Variants in SPRED2 observed in about 807,000 individuals in gnomAD.
SPRED2 encodes the protein sprouty related EVH1 domain containing 2, also known as sprouty-related, EVH1 domain-containing protein 2.
Under a neutral mutation model 43.0 loss-of-function variants are expected in SPRED2, and 47 were observed. That is an observed-to-expected ratio of 1.09 (90% CI 0.87 to 1.40). The LOEUF (loss-of-function observed/expected upper bound fraction) is 1.40, where lower values mean the gene tolerates loss of function less well. Ranked by LOEUF, SPRED2 falls within the 40% of genes most tolerant of loss-of-function variation. SPRED2 has a pLI of 0.00. For missense variants in SPRED2, 561 were observed against 586.4 expected (o/e 0.96, Z 0.45); for synonymous variants, 225 against 225.7 (o/e 1.00, Z 0.03).
chr2:65,334,146 T>G (rs1673893529), intron 3 of SPRED2: 1 of 470,516 alleles, frequency 2.1e-6, no homozygotes, highest in Non-Finnish European at 4.4e-6. Flanking sequence ...GAACCAGGGC[T>G]CCAGAGGTCA....
chr2:65,308,385 G>T (rs141731371), downstream of SPRED2: 473 of 985,454 alleles, frequency 4.8e-4, 1 homozygote, highest in African/African-American at 7.9e-3. Context: ...GCCGTCCTTG[G>T]AGCTGTGAAC....
downstream of SPRED2, among the ~76,000 whole-genome samples, chr2:65,307,330 C>T (rs761509013): frequency 2.0e-5 from 3 of 151,950 alleles, no homozygotes; most frequent in Admixed American, 6.6e-5. Flanking sequence ...TGAGTAGTTG[C>T]GATTACAGGC....
intron 1 of SPRED2, among the ~76,000 whole-genome samples, chr2:65,407,390 T>C (rs1417970846): frequency 6.7e-6 from 1 of 149,268 alleles, no homozygotes; most frequent in Non-Finnish European, 1.5e-5. Flanking sequence ...GTGTTGTGTA[T>C]TGGGGGGCAT....
chr2:65,405,054 A>C (rs1675991497), intron 1 of SPRED2, among the ~76,000 whole-genome samples: 1 of 152,252 alleles, frequency 6.6e-6, no homozygotes, highest in African/African-American at 2.4e-5. Flanking sequence ...TAATTATGAC[A>C]ATAATGACAA....
chr2:65,357,625 T>G lies in SPRED2; in HGVS notation c.27-12729A>C, dbSNP rs147912493. ...TAAGTTATTCCTTATCTTGGTCCCT[T>G]GAAATTTACTGGATAGGCAACTGAT... On this transcript the variant is annotated intron_variant, in intron 1 of 5. Transcript: ENST00000356388. 1.5e-3 allele frequency among the ~76,000 whole-genome samples: 223 copies of G among 152,294 alleles called. No homozygotes were observed. In the Middle Eastern group the frequency reaches 0.027, roughly 19 times the overall value.
intron 1 of SPRED2, among the ~76,000 whole-genome samples, chr2:65,389,219 C>T (rs1452481556): frequency 6.7e-6 from 1 of 149,674 alleles, no homozygotes; most frequent in Non-Finnish European, 1.5e-5. Flanking sequence ...CTTCCAGAGA[C>T]AGCAATACAA....
At chr2:65,377,787 A>G (rs1572880847) in intron 1 of SPRED2, 1 of 456,596 alleles carries the variant, frequency 2.2e-6, no homozygotes, top group East Asian at 7.1e-5. Flanking sequence ...GGCAGTCCTC[A>G]GCAGAGACCA....
chr2:65,370,066 T>C (rs1675087564), intron 1 of SPRED2, among the ~76,000 whole-genome samples: 1 of 152,238 alleles, frequency 6.6e-6, no homozygotes, highest in Admixed American at 6.5e-5. Context: ...ATATCAATGA[T>C]GCAGGTACTG....
At chr2:65,318,079 G>C (rs1673297370) in intron 4 of SPRED2, among the ~76,000 whole-genome samples, 1 of 152,132 alleles carries the variant, frequency 6.6e-6, no homozygotes, top group South Asian at 2.1e-4. Flanking sequence ...ATTGGGGCAA[G>C]TCTTTCCCGT....
chr2:65,419,583 G>C (rs1044017242), intron 1 of SPRED2, among the ~76,000 whole-genome samples: 1 of 19,674 alleles, frequency 5.1e-5, no homozygotes, highest in African/African-American at 9.0e-4. Context: ...ATAGTTGTGT[G>C]TGTGTGTGTG....
chr2:65,422,427 T>C (rs1676451757), intron 1 of SPRED2, among the ~76,000 whole-genome samples: 1 of 152,184 alleles, frequency 6.6e-6, no homozygotes, highest in South Asian at 2.1e-4. Context: ...TCCTAGAATG[T>C]AAGTGCCCCG....
intron 1 of SPRED2, among the ~76,000 whole-genome samples, chr2:65,358,330 G>C (rs1674715119): frequency 6.6e-6 from 1 of 152,136 alleles, no homozygotes; most frequent in African/African-American, 2.4e-5. Context: ...CATCTAGCTG[G>C]GTTTACGCAT....
In SPRED2 at chr2:65,312,592, A is replaced by G; in HGVS notation, c.*909T>C. The G allele has an allele frequency of 3.0e-6, 3 of 985,774 alleles. No homozygotes were observed. Among genetic ancestry groups the G allele is most frequent in the Non-Finnish European group, 3.6e-6 (3 of 829,902 alleles). 61.1% of individuals were successfully genotyped at this position (985,774 alleles called of 1,614,324 possible). ...AACAAGCAAAATTTCTTACTTCACT[A>G]GTATCCTATTCTAATATTGCTAAAT... is the stretch of plus-strand genomic sequence containing the variant. On this transcript the variant is annotated 3_prime_UTR_variant, in exon 6 of 6. Transcript: ENST00000356388.
intron 1 of SPRED2, among the ~76,000 whole-genome samples, chr2:65,406,853 C>T (rs1447340609): frequency 6.6e-6 from 1 of 152,158 alleles, no homozygotes; most frequent in Non-Finnish European, 1.5e-5. Context: ...GAGGCAGGGC[C>T]CTCCATCAAG....
In SPRED2 at chr2:65,311,296, T is replaced by C. The variant is rs1017751390; in HGVS notation, c.*2205A>G. Reference sequence around the variant, plus strand: ...ATAAATGTCCCCATGGCTGTCTTTGTGCCCTTAACCGATGCCTTCACAAAC... The same window carrying C: ...ATAAATGTCCCCATGGCTGTCTTTGCGCCCTTAACCGATGCCTTCACAAAC... On this transcript the variant is annotated 3_prime_UTR_variant, in exon 6 of 6. Coordinates refer to ENST00000356388, the MANE Select transcript of SPRED2 (RefSeq NM_181784.3). 40 of 985,782 alleles carry C rather than the reference T, an allele frequency of 4.1e-5. No individual in the cohort carries two copies. The highest frequency in any genetic ancestry group is 4.6e-5 in the Non-Finnish European group (38 of 829,954). The allele number at this position is 985,782 out of a possible 1,614,324, so 61.1% of individuals were successfully genotyped here. A position where few individuals can be genotyped will look rare whatever the true frequency, so the allele number is the denominator to read the frequency against.
At chr2:65,308,434 A>C, downstream of SPRED2, 2 of 985,480 alleles carry the variant, frequency 2.0e-6, no homozygotes, top group Non-Finnish European at 2.4e-6. Context: ...AATCAAATTC[A>C]GATCAAATAG....
intron 1 of SPRED2, among the ~76,000 whole-genome samples, chr2:65,430,669 A>T (rs762756915): frequency 3.3e-5 from 5 of 152,082 alleles, no homozygotes; most frequent in Non-Finnish European, 7.4e-5. Flanking sequence ...ACTCCCCTGC[A>T]AAGACGCGCG....
At chr2:65,323,833 G>A (rs976461885) in intron 4 of SPRED2, among the ~76,000 whole-genome samples, 1 of 151,998 alleles carries the variant, frequency 6.6e-6, no homozygotes, top group Non-Finnish European at 1.5e-5. Flanking sequence ...CCGAGATCGC[G>A]CCACTGCACT....
intron 1 of SPRED2, among the ~76,000 whole-genome samples, chr2:65,355,907 T>C (rs2104299108): frequency 6.6e-6 from 1 of 152,340 alleles, no homozygotes; most frequent in South Asian, 2.1e-4. Flanking sequence ...AAAAATGGTA[T>C]TTGTGATCCA....
Sources: allele counts gnomAD v4.1 joint callset (sites outside exome capture counted in the v4.1 genomes callset), GRCh38; gene constraint gnomAD v4.1.1; transcripts MANE v1.5; gene names NCBI Gene and HGNC (gene_info 2026-07-23, HGNC 2026-07-21).